The following STK32A variants were observed in gnomAD, a reference collection of about 807,000 sequenced individuals.
The protein encoded by STK32A is serine/threonine kinase 32A, also known as serine/threonine-protein kinase 32A.
A neutral mutation model predicts 53.2 loss-of-function variants in STK32A; 41 were observed. That is an observed-to-expected ratio of 0.77 (90% confidence interval 0.60 to 1.00). STK32A has a LOEUF of 1.00. STK32A is among the 50% of genes least tolerant of loss of function. The pLI is 0.00. For synonymous variants in STK32A, 166 were observed against 162.8 expected, an observed-to-expected ratio of 1.02 and a Z score of -0.15; for missense variants, 458 against 485.8, an observed-to-expected ratio of 0.94 and a Z score of 0.54.
At chr5:147,264,216 G>C (rs1754707764) in intron 2 of STK32A, among the ~76,000 whole-genome samples, 1 of 152,110 alleles carries the variant, frequency 6.6e-6, no homozygotes, top group Non-Finnish European at 1.5e-5. Context: ...AGAAAGAAGG[G>C]GGCACTGCAT....
intron 5 of STK32A, among the ~76,000 whole-genome samples, chr5:147,334,024 C>T (rs17106458): frequency 0.31 from 46,376 of 151,924 alleles, 9,825 homozygotes; most frequent in African/African-American, 0.6. Flanking sequence ...ATAATGCTTG[C>T]AAAATCAGGA....
At chr5:147,356,546 T>G (rs1756258641) in intron 7 of STK32A, among the ~76,000 whole-genome samples, 1 of 152,178 alleles carries the variant, frequency 6.6e-6, no homozygotes, top group Admixed American at 6.5e-5. Context: ...CATGCTGCAG[T>G]ACTGTCCCTT....
intron 9 of STK32A, among the ~76,000 whole-genome samples, chr5:147,372,539 C>T (rs964659205): frequency 1.1e-4 from 16 of 151,998 alleles, no homozygotes; most frequent in Admixed American, 1.1e-3. Flanking sequence ...TTGTCATCTT[C>T]AGAAGCATTC....
downstream of STK32A, among the ~76,000 whole-genome samples, chr5:147,389,504 T>C (rs186440713): frequency 1.8e-4 from 27 of 152,288 alleles, no homozygotes; most frequent in African/African-American, 2.6e-4. Context: ...GCGGGAACTA[T>C]TGAGGGACTC....
intron 5 of STK32A, among the ~76,000 whole-genome samples, chr5:147,328,136 T>C (rs1353909918): frequency 6.6e-6 from 1 of 152,196 alleles, no homozygotes; most frequent in Non-Finnish European, 1.5e-5. Flanking sequence ...AGGGTGTAAA[T>C]GGGACTTTTA....
At chr5:147,259,945 C>T (rs945919754) in intron 2 of STK32A, among the ~76,000 whole-genome samples, 1 of 144,932 alleles carries the variant, frequency 6.9e-6, no homozygotes, top group Admixed American at 6.9e-5. Flanking sequence ...CTGTCTCTCT[C>T]TCTCTCCTCT....
chr5:147,392,619 T>C (rs1182727292), downstream of STK32A: 1 of 152,212 alleles, frequency 6.6e-6, no homozygotes, highest in African/African-American at 2.4e-5. Context: ...AAAACTGAAT[T>C]TTCAGAAGCA....
At chr5:147,260,493 T>C (rs2151946641) in intron 2 of STK32A, among the ~76,000 whole-genome samples, 1 of 152,162 alleles carries the variant, frequency 6.6e-6, no homozygotes, top group Admixed American at 6.5e-5. Flanking sequence ...GAGGTTCAAC[T>C]CTTGAAATTA....
At chr5:147,313,908 T>C (rs1244852373) in intron 4 of STK32A, among the ~76,000 whole-genome samples, 1 of 152,188 alleles carries the variant, frequency 6.6e-6, no homozygotes, top group Admixed American at 6.5e-5. Context: ...TCACACCATG[T>C]ACAAAATTAG....
At chr5:147,373,474 A>T (rs1030955332) in intron 10 of STK32A, among the ~76,000 whole-genome samples, 180 bp downstream of exon 10, 2 of 152,208 alleles carry the variant, frequency 1.3e-5, no homozygotes, top group Admixed American at 1.3e-4. Flanking sequence ...AAGGTCACAA[A>T]GCTAGCAAGT....
chr5:147,287,937 CA>C (rs1201956855), intron 4 of STK32A, among the ~76,000 whole-genome samples: 1 of 151,756 alleles, frequency 6.6e-6, no homozygotes, highest in East Asian at 1.9e-4. Context: ...GCTGTGTGGG[CA>C]AAGTTGATTT....
chr5:147,279,863 T>C (rs1301664919), intron 4 of STK32A, among the ~76,000 whole-genome samples: 4 of 152,062 alleles, frequency 2.6e-5, no homozygotes, highest in African/African-American at 7.2e-5. Flanking sequence ...TCCAGCACAA[T>C]GGAGAGGACC....
chr5:147,295,892 A>G (rs1040850030), intron 4 of STK32A, among the ~76,000 whole-genome samples: 1 of 152,214 alleles, frequency 6.6e-6, no homozygotes, highest in African/African-American at 2.4e-5. Flanking sequence ...AGCTCAAACT[A>G]AGGGAGCAGG....
intron 4 of STK32A, among the ~76,000 whole-genome samples, chr5:147,321,276 T>C (rs1754300548): frequency 6.6e-6 from 1 of 152,224 alleles, no homozygotes; most frequent in Non-Finnish European, 1.5e-5. Context: ...TACTCACTCA[T>C]TTTAAAAAAT....
At position 147,383,992 on chromosome 5, in the gene STK32A, T is replaced by A. The variant is rs1263658887; in HGVS notation, c.*9T>A. The A allele has an allele frequency of 6.3e-7, 1 of 1,597,708 alleles. No homozygotes were observed. The highest frequency in any genetic ancestry group is 8.5e-7 in the Non-Finnish European group (1 of 1,175,112). ...AGAATAACAACTTGTAAAGGCCTCA[T>A]GTCTTCTTCTTGGGACAATCTCATG... On this transcript the variant is annotated 3_prime_UTR_variant, in exon 13 of 13. Coordinates refer to ENST00000397936, the MANE Select transcript of STK32A (RefSeq NM_001112724.2).
At chr5:147,265,511 T>C (rs1754767586) in intron 2 of STK32A, among the ~76,000 whole-genome samples, 1 of 152,212 alleles carries the variant, frequency 6.6e-6, no homozygotes, top group African/African-American at 2.4e-5. Context: ...ACATAGATTA[T>C]AGCAAAATAA....
chr5:147,277,598 G>A (rs1751825077), intron 2 of STK32A, among the ~76,000 whole-genome samples: 1 of 152,142 alleles, frequency 6.6e-6, no homozygotes, highest in Admixed American at 6.5e-5. Flanking sequence ...AGATACAAAA[G>A]AGTGGTTGTA....
the STK32A span, chr5:147,401,658 C>G: frequency 6.2e-7 from 1 of 1,613,938 alleles, no homozygotes; most frequent in Admixed American, 1.7e-5. Context: ...CCATCTATGC[C>G]GAGGCTGGCA....
chr5:147,269,146 T>A (rs1421775076), intron 2 of STK32A, among the ~76,000 whole-genome samples: 1 of 152,142 alleles, frequency 6.6e-6, no homozygotes, highest in Non-Finnish European at 1.5e-5. Context: ...TAATACTGTT[T>A]CAGAGTTGGC....
Sources: gnomAD v4.1 joint callset for allele counts (sites outside exome capture counted in the v4.1 genomes callset) on GRCh38, gnomAD v4.1.1 for gene constraint, MANE v1.5 for transcripts, NCBI Gene and HGNC (gene_info 2026-07-23, HGNC 2026-07-21) for gene names.